Variants in UGGT2 observed in about 807,000 individuals in gnomAD.
UGGT2 encodes the protein UDP-glucose glycoprotein glucosyltransferase 2.
UGGT2 carries 180 observed loss-of-function variants against 192.1 expected under a neutral mutation model. The ratio of observed to expected loss-of-function variants is 0.94; its 90% CI spans 0.83 to 1.06. The LOEUF is 1.06. Among genes scored for constraint, UGGT2 ranks in the 50% least tolerant of loss-of-function variants. The pLI is 0.00. For synonymous variants in UGGT2, 580 were observed against 591.0 expected (o/e 0.98, Z 0.27); for missense variants, 1,849 against 1,795.7 (o/e 1.03, Z -0.54).
chr13:95,871,604 G>T (rs536196511), intron 29 of UGGT2, among the ~76,000 whole-genome samples: 42 of 152,322 alleles, frequency 2.8e-4, no homozygotes, highest in African/African-American at 9.4e-4. Flanking sequence ...GGACTGTTTT[G>T]TTGCTCTAAT....
At chr13:95,853,860 T>A (rs1376311831) in intron 35 of UGGT2, among the ~76,000 whole-genome samples, 1 of 152,192 alleles carries the variant, frequency 6.6e-6, no homozygotes, top group East Asian at 1.9e-4. Flanking sequence ...GTAGAACCCA[T>A]AATCTTTTAG....
Position 96,053,325 on chromosome 13 carries a change from A to G in UGGT2, c.-13T>C. The G allele has an allele frequency of 6.3e-7, 1 of 1,580,910 alleles. No homozygotes were observed. The highest frequency in any genetic ancestry group is 8.5e-7 in the Non-Finnish European group (1 of 1,172,910). On this transcript the variant is annotated 5_prime_UTR_variant, in exon 1 of 39. Coordinates refer to ENST00000376747, the MANE Select transcript of UGGT2 (RefSeq NM_020121.4). The stretch of plus-strand genomic sequence containing the variant: ...TCGCTGGCGCCATGGCACGGAGAGA[A>G]AAGCGCGAGTCCCTCGGACCCGGTA...
intron 20 of UGGT2, among the ~76,000 whole-genome samples, chr13:95,917,876 G>C (rs2048728711): frequency 6.6e-6 from 1 of 152,154 alleles, no homozygotes; most frequent in Admixed American, 6.6e-5. Flanking sequence ...GAAGCACCCA[G>C]ATTCATAAAG....
intron 1 of UGGT2, among the ~76,000 whole-genome samples, chr13:96,047,876 CAAT>C (rs1942038588): frequency 6.6e-6 from 1 of 151,924 alleles, no homozygotes; most frequent in Non-Finnish European, 1.5e-5. Context: ...GACTCCCACA[CAAT>C]AATAATGGGA....
In UGGT2 at chr13:95,867,385, A is replaced by G. The variant is rs144674987; in HGVS notation, c.3512T>C (p.Ile1171Thr). 10 of 1,609,566 alleles carry G rather than the reference A, an allele frequency of 6.2e-6. No homozygotes were observed. The African/African-American group carries it at 9.4e-5, about 15-fold the overall frequency. Residue 1171 changes from isoleucine (I) to threonine (T), a missense_variant, in exon 30 of 39, where the codon ATC (isoleucine) becomes ACC (threonine). Transcript: ENST00000376747. ...TTTGAAGCTGTTTAATACAACAATG[A>G]TATCTTCTAGGTCTGCTTGAGAGTC... ...GTDSQADLED[I>T]IVVLNSFKSK...
At chr13:95,944,440 C>T (rs955963246) in intron 15 of UGGT2, among the ~76,000 whole-genome samples, 4 of 152,006 alleles carry the variant, frequency 2.6e-5, no homozygotes, top group Non-Finnish European at 5.9e-5. Flanking sequence ...GAATCTGTGA[C>T]TCTTTGATAA....
chr13:95,922,809 C>T (rs1159330262), intron 20 of UGGT2, among the ~76,000 whole-genome samples: 2 of 151,850 alleles, frequency 1.3e-5, no homozygotes, highest in Non-Finnish European at 2.9e-5. Context: ...AATGACAGAG[C>T]GAGACCCCGT....
chr13:95,893,258 A>C (rs1027501117), intron 24 of UGGT2, among the ~76,000 whole-genome samples: 1 of 152,140 alleles, frequency 6.6e-6, no homozygotes, highest in Non-Finnish European at 1.5e-5. Flanking sequence ...GATTTATAAC[A>C]AGTGTTTTAA....
At chr13:95,910,081 C>T (rs1342246921) in intron 20 of UGGT2, among the ~76,000 whole-genome samples, 2 of 152,050 alleles carry the variant, frequency 1.3e-5, no homozygotes, top group Non-Finnish European at 2.9e-5. Context: ...TACAAGAGCT[C>T]CTGAAGGAAG....
intron 38 of UGGT2, among the ~76,000 whole-genome samples, chr13:95,818,136 C>G (rs997464858): frequency 6.6e-6 from 1 of 152,026 alleles, no homozygotes; most frequent in African/African-American, 2.4e-5. Context: ...AGTGAGCCCT[C>G]GTCTCTACTG....
intron 12 of UGGT2, among the ~76,000 whole-genome samples, chr13:95,959,098 C>T (rs2050306092): frequency 6.6e-6 from 1 of 152,198 alleles, no homozygotes; most frequent in Non-Finnish European, 1.5e-5. Flanking sequence ...TGGGGCCTAA[C>T]AGCCCCCGCA....
chr13:95,989,603 A>T (rs1320060871), intron 8 of UGGT2: 1 of 361,288 alleles, frequency 2.8e-6, no homozygotes, highest in African/African-American at 2.1e-5. Context: ...CAGGATCTAA[A>T]TTTCAAAAAG....
Position 95,990,017 on chromosome 13 carries a change from T to G in UGGT2, c.887A>C (p.Glu296Ala). ...CAAAGGCATCATTTGTTTGTTACTC[T>G]CAATCAGGTATTTTTGGAATGCTGT... Reference protein sequence around the residue: ...NLTAFQKYLIESNKQMMPLKV... With the variant: ...NLTAFQKYLIASNKQMMPLKV... Residue 296 changes from glutamate to alanine, a missense_variant, in exon 8 of 39, where the codon GAG becomes GCG. By Grantham distance (107) the Glu-to-Ala change is moderately radical (BLOSUM62 -1). Transcript: ENST00000376747. 1 of 1,607,134 alleles carries G rather than the reference T, an allele frequency of 6.2e-7. No individual in the cohort carries two copies. The highest frequency in any genetic ancestry group is 8.5e-7 in the Non-Finnish European group (1 of 1,176,428).
intron 31 of UGGT2, among the ~76,000 whole-genome samples, chr13:95,862,980 A>C (rs1208366203): frequency 6.6e-6 from 1 of 152,034 alleles, no homozygotes; most frequent in Non-Finnish European, 1.5e-5. Flanking sequence ...CTCCCACCTC[A>C]GTCTTCTGAG....
rs1488685407 is a variant in UGGT2, at chr13:95,856,189, A to C, written c.3977T>G (p.Val1326Gly). The C allele has an allele frequency of 6.2e-7, 1 of 1,612,076 alleles. No homozygotes were observed. Among genetic ancestry groups the C allele is most frequent in the African/African-American group, 1.3e-5 (1 of 74,798 alleles). The change falls in exon 34 of 39, where the codon GTG becomes GGG. Residue 1326 changes from valine to glycine, a missense_variant. By Grantham distance (109) the Val-to-Gly change is moderately radical. Transcript: ENST00000376747. Reference protein sequence around the residue: ...LFLDVLFPLAVDKIIFVDADQ... With the variant: ...LFLDVLFPLAGDKIIFVDADQ... ...AGCATCAACAAAAATGATTTTGTCC[A>C]CTGCTAGTGGGAAAAGAACATCAAG...
At chr13:95,958,833 C>T (rs1456403838) in intron 12 of UGGT2, among the ~76,000 whole-genome samples, 1 of 152,022 alleles carries the variant, frequency 6.6e-6, no homozygotes, top group East Asian at 1.9e-4. Context: ...GAGAGGTTCC[C>T]TAATGCAAGG....
At chr13:95,834,139 ATTC>A (rs779639252) in intron 37 of UGGT2, among the ~76,000 whole-genome samples, 94 of 152,206 alleles carry the variant, frequency 6.2e-4, no homozygotes, top group African/African-American at 1.9e-3. Flanking sequence ...AATGGGACTA[ATTC>A]TTTTTTTAAT....
At chr13:96,010,988 G>A (rs975054555) in intron 5 of UGGT2, among the ~76,000 whole-genome samples, 7 of 152,124 alleles carry the variant, frequency 4.6e-5, no homozygotes. Flanking sequence ...TATTTTACAA[G>A]TGGATAAAGG....
At chr13:95,872,000 C>T (rs1393706212) in intron 29 of UGGT2, among the ~76,000 whole-genome samples, 1 of 152,100 alleles carries the variant, frequency 6.6e-6, no homozygotes, top group East Asian at 1.9e-4. Flanking sequence ...ACAGTTCAGT[C>T]TCAAAGGTAC....
Sources: allele counts gnomAD v4.1 joint callset (sites outside exome capture counted in the v4.1 genomes callset), GRCh38; gene constraint gnomAD v4.1.1; transcripts MANE v1.5; gene names NCBI Gene and HGNC (gene_info 2026-07-23, HGNC 2026-07-21).